PMEPA1: variants seen among roughly 807,000 people sequenced by gnomAD.
PMEPA1 encodes the protein prostate transmembrane protein, androgen induced 1, also known as protein TMEPAI.
In PMEPA1, 11 loss-of-function variants were observed where a neutral mutation model predicts 23.0. The observed-to-expected ratio is 0.48, with a 90% CI of 0.30 to 0.79. The LOEUF is 0.79. PMEPA1 is among the 30% of genes least tolerant of loss of function. The pLI, the probability that PMEPA1 is intolerant of heterozygous loss-of-function variation, is 0.06. For missense variants in PMEPA1, 377 were observed against 390.9 expected (o/e 0.96, Z 0.30); for synonymous variants, 204 against 166.4 (o/e 1.23, Z -1.74).
At position 57,654,185 on chromosome 20, in the gene PMEPA1, G is replaced by A. The variant is rs556164492; in HGVS notation, c.265-1099C>T. Among the ~76,000 whole-genome samples, 10 of 152,234 alleles carry A rather than the reference G, an allele frequency of 6.6e-5. No individual in the cohort carries two copies. In the South Asian group the frequency reaches 2.1e-3, roughly 32 times the overall value. On this transcript the variant is annotated intron_variant, in intron 2 of 3. Coordinates refer to ENST00000341744, the MANE Select transcript of PMEPA1 (RefSeq NM_020182.5). ...GAGTTTCCCCAAATGCCATGACGGT[G>A]AGCCCTGGGCCCGGGGAAAGGGATG...
At chr20:57,692,514 C>T (rs2146699399) in intron 1 of PMEPA1, among the ~76,000 whole-genome samples, 1 of 144,138 alleles carries the variant, frequency 6.9e-6, no homozygotes, top group South Asian at 2.2e-4. Flanking sequence ...CCCTCCCTGC[C>T]AGGCCACTGC....
intron 1 of PMEPA1, among the ~76,000 whole-genome samples, chr20:57,693,836 G>A (rs1194709044): frequency 6.6e-6 from 1 of 152,204 alleles, no homozygotes; most frequent in East Asian, 1.9e-4. Flanking sequence ...TCTTCTGCAA[G>A]CCTTGTGAGG....
chr20:57,709,443 T>C, intron 1 of PMEPA1, 31 bp downstream of exon 1: 1 of 1,087,380 alleles, frequency 9.2e-7, no homozygotes, highest in Non-Finnish European at 1.1e-6. Flanking sequence ...CCCGATGGAG[T>C]CTCCGGGGAG....
intron 1 of PMEPA1, among the ~76,000 whole-genome samples, chr20:57,708,702 C>T (rs904371319): frequency 3.2e-4 from 48 of 152,268 alleles, no homozygotes; most frequent in African/African-American, 1.2e-3. Context: ...GACACACACA[C>T]ATTCAAGATC....
intron 2 of PMEPA1, among the ~76,000 whole-genome samples, chr20:57,654,125 G>A (rs1241296053): frequency 3.3e-5 from 5 of 152,166 alleles, no homozygotes; most frequent in African/African-American, 1.2e-4. Flanking sequence ...TCTGCTCTGA[G>A]GAAAATGAGA....
chr20:57,709,353 C>T, intron 1 of PMEPA1, 121 bp downstream of exon 1: 1 of 664,684 alleles, frequency 1.5e-6, no homozygotes, highest in Non-Finnish European at 1.9e-6. Flanking sequence ...GGGCGCTGCC[C>T]GGGCGCAGGG....
rs570627206 is a variant in PMEPA1, at chr20:57,704,170, C to T, written c.109+5304G>A. On this transcript the variant is annotated intron_variant, in intron 1 of 3. Coordinates refer to ENST00000341744, the MANE Select transcript of PMEPA1 (RefSeq NM_020182.5). The surrounding 1 kb of genome is among the most constrained non-coding windows in gnomAD (Gnocchi z 4.6). ...TTTATGTCAAAATCTAACCATTCGGCTGCCCTGGAACGGAAAGATCTGGCC... is the reference window on the plus strand; with the variant it reads ...TTTATGTCAAAATCTAACCATTCGGTTGCCCTGGAACGGAAAGATCTGGCC... Among the ~76,000 whole-genome samples the T allele has an allele frequency of 1.3e-4, 20 of 152,346 alleles. No individual in the cohort carries two copies. The highest frequency in any genetic ancestry group is 4.6e-4 in the African/African-American group (19 of 41,574).
chr20:57,657,146 C>T (rs545525553), intron 2 of PMEPA1, among the ~76,000 whole-genome samples: 6 of 152,290 alleles, frequency 3.9e-5, no homozygotes, highest in South Asian at 2.1e-4. Context: ...CCCCTGCAGT[C>T]GGCCTCTGGG....
intron 1 of PMEPA1, among the ~76,000 whole-genome samples, chr20:57,667,623 T>TTAACAA (rs2146660133): frequency 6.6e-6 from 1 of 152,296 alleles, no homozygotes. Context: ...AAGCAGCCAG[T>TTAACAA]GCATGGGGCC....
chr20:57,652,422 G>C lies in PMEPA1; in HGVS notation c.495C>G (p.Cys165Trp), dbSNP rs1356111579. 1 of 1,613,794 alleles carries C rather than the reference G, an allele frequency of 6.2e-7. No homozygotes were observed. Among genetic ancestry groups the C allele is most frequent in the South Asian group, 1.1e-5 (1 of 91,080 alleles). The change falls in exon 4 of 4, where the codon TGC (cysteine) becomes TGG (tryptophan). Residue 165 changes from cysteine to tryptophan, a missense_variant. Cys to Trp is a radical substitution (Grantham distance 215, BLOSUM62 -2). This residue lies in a region of PMEPA1 where 176 missense variants were observed against 173.0 expected (regional missense o/e 1.02). Transcript: ENST00000341744. The surrounding 1 kb of genome is among the most constrained non-coding windows in gnomAD (Gnocchi z 6.1). ...GCTCGGGGTCCCGAAGCTGGAGGGT[G>C]CAGGGGCCCTGGTAGGGTGGGGGCT... Reference protein sequence around the residue: ...GEEPPPYQGPCTLQLRDPEQQ... With the variant: ...GEEPPPYQGPWTLQLRDPEQQ...
At chr20:57,671,385 G>T (rs943635752) in intron 1 of PMEPA1, among the ~76,000 whole-genome samples, 1 of 152,264 alleles carries the variant, frequency 6.6e-6, no homozygotes, top group East Asian at 1.9e-4. Flanking sequence ...GTCCGTGGTG[G>T]TGTTGACGGC....
intron 1 of PMEPA1, among the ~76,000 whole-genome samples, chr20:57,703,949 A>G (rs1161978133): frequency 6.6e-6 from 1 of 152,088 alleles, no homozygotes; most frequent in African/African-American, 2.4e-5. Context: ...ATCAGATGAC[A>G]GTGAAGGGGG....
At chr20:57,701,979 G>A (rs1303677071) in intron 1 of PMEPA1, among the ~76,000 whole-genome samples, 2 of 152,172 alleles carry the variant, frequency 1.3e-5, no homozygotes, top group Non-Finnish European at 2.9e-5. Context: ...TGTGACAGGA[G>A]GAAGGCCAGG....
chr20:57,657,704 C>T (rs990965840), intron 2 of PMEPA1, among the ~76,000 whole-genome samples: 1 of 152,216 alleles, frequency 6.6e-6, no homozygotes, highest in Admixed American at 6.5e-5. Context: ...CTGATGCAAG[C>T]AGAGGTGTCC....
In PMEPA1 at chr20:57,651,369, TAA is replaced by T. The variant is rs1356504361; in HGVS notation, c.*682_*683del. 6.5e-6 allele frequency: 1 copy of T among 152,692 alleles called. No homozygotes were observed. Among genetic ancestry groups the T allele is most frequent in the African/African-American group, 2.4e-5 (1 of 41,452 alleles). 9.5% of individuals were successfully genotyped at this position (152,692 alleles called of 1,614,324 possible). On this transcript the variant is annotated 3_prime_UTR_variant, in exon 4 of 4. Transcript: ENST00000341744. ...CTCTGAAATTCCGACATTTCTCCCT[TAA>T]AGTCTCAACAGACACAAGAGAAGTT...
At chr20:57,673,672 G>T (rs888408721) in intron 1 of PMEPA1, among the ~76,000 whole-genome samples, 3 of 152,176 alleles carry the variant, frequency 2.0e-5, no homozygotes, top group Non-Finnish European at 4.4e-5. Flanking sequence ...ACAAGGAAAA[G>T]AGTGTCCCAT....
intron 1 of PMEPA1, among the ~76,000 whole-genome samples, chr20:57,661,875 A>G (rs370084778): frequency 5.0e-4 from 76 of 152,182 alleles, no homozygotes; most frequent in African/African-American, 1.8e-3. Context: ...TTCTTCCCCA[A>G]CAGGTTTTCC....
rs1434363206 is a variant in PMEPA1, at chr20:57,656,592, G to A, written c.264+2951C>T. On this transcript the variant is annotated intron_variant, in intron 2 of 3. Transcript: ENST00000341744. The surrounding 1 kb of genome is among the most constrained non-coding windows in gnomAD (Gnocchi z 4.7). The stretch of plus-strand genomic sequence containing the variant: ...CCCTCGGAGCAGCGCCAGGGTGGAA[G>A]TGCCATCCCTGGTCGAGGGGCTTGC... Among the ~76,000 whole-genome samples the A allele has an allele frequency of 1.3e-5, 2 of 152,170 alleles. No individual in the cohort carries two copies. Among genetic ancestry groups the A allele is most frequent in the African/African-American group, 4.8e-5 (2 of 41,456 alleles).
chr20:57,659,181 C>T (rs1365934765), intron 2 of PMEPA1, among the ~76,000 whole-genome samples: 2 of 152,234 alleles, frequency 1.3e-5, no homozygotes, highest in African/African-American at 4.8e-5. Flanking sequence ...GTCTCATCTC[C>T]CTCCTGGAAC....
Sources: allele counts gnomAD v4.1 joint callset (sites outside exome capture counted in the v4.1 genomes callset), GRCh38; gene constraint gnomAD v4.1.1; regional missense constraint gnomAD v4.1.1; non-coding constraint Gnocchi (gnomAD v3.1); transcripts MANE v1.5; gene names NCBI Gene and HGNC (gene_info 2026-07-23, HGNC 2026-07-21).